The following MISP variants were observed in gnomAD, a reference collection of about 807,000 sequenced individuals.
The protein encoded by MISP is mitotic interactor and substrate of PLK1.
In MISP, 51 loss-of-function variants were observed where a neutral mutation model predicts 49.3. That is an observed-to-expected ratio of 1.03 (90% CI 0.83 to 1.31). The LOEUF (loss-of-function observed/expected upper bound fraction) is 1.31. MISP is among the 50% of genes most tolerant of loss of function. MISP has a pLI of 0.00. For synonymous variants in MISP, 444 were observed against 392.6 expected (o/e 1.13, Z -1.55); for missense variants, 1,084 against 935.1 (o/e 1.16, Z -2.08).
At chr19:760,232 G>A (rs2033651081) in intron 3 of MISP, among the ~76,000 whole-genome samples, 193 bp downstream of exon 3, 1 of 151,876 alleles carries the variant, frequency 6.6e-6, no homozygotes, top group African/African-American at 2.4e-5. Flanking sequence ...CTGGGCTTCT[G>A]CTTGGAGAGG....
In MISP at chr19:757,399, A is replaced by C. The variant is rs3746172; in HGVS notation, c.453A>C (p.Ala151=). The C allele has an allele frequency of 0.12, 200,621 of 1,606,936 alleles. 16,463 individuals are homozygous for C. The highest frequency in any genetic ancestry group is 0.4 in the East Asian group (17,664 of 44,438). Residue 151 remains alanine (A), a synonymous_variant, in exon 2 of 5, where the codon GCA becomes GCC. Transcript: ENST00000215582. ...GCTGGGCCGTCATCCAGGGCCAGGC[A>C]GTCAGGAAGAGCAGCACCGTGGCCA... is the stretch of plus-strand genomic sequence containing the variant. ...RERWAVIQGQ[A]VRKSSTVATL... is the part of the protein sequence containing the mutation.
In MISP at chr19:758,715, C is replaced by T; in HGVS notation, c.1769C>T (p.Ser590Phe). 1 of 1,612,466 alleles carries T rather than the reference C, an allele frequency of 6.2e-7. No individual in the cohort carries two copies. The highest frequency in any genetic ancestry group is 8.5e-7 in the Non-Finnish European group (1 of 1,178,942). ...ENSDQNSRSS[S>F]QASGITGSYS... ...TCTGACCAGAACTCCAGGAGCTCCTCCCAGGCATCCGGTGAGAAGGGGCTC... is the reference window on the plus strand; with the variant it reads ...TCTGACCAGAACTCCAGGAGCTCCTTCCAGGCATCCGGTGAGAAGGGGCTC... The change falls in exon 2 of 5, where the codon TCC becomes TTC. Residue 590 changes from serine (S) to phenylalanine (F), a missense_variant. Physicochemically the swap from Ser to Phe is radical, Grantham distance 155. Coordinates refer to ENST00000215582, the MANE Select transcript of MISP (RefSeq NM_173481.4).
chr19:748,882 C>A (rs777204073), upstream of MISP, among the ~76,000 whole-genome samples: 8 of 152,176 alleles, frequency 5.3e-5, no homozygotes, highest in Non-Finnish European at 7.4e-5. Context: ...TTCACACCTG[C>A]AATCCTAGTA....
intron 4 of MISP, 104 bp from the exon 5 acceptor site, chr19:763,397 C>A: frequency 1.3e-6 from 1 of 760,946 alleles, no homozygotes; most frequent in Non-Finnish European, 2.3e-6. Context: ...GGGGATCCTA[C>A]TTTACCCCCG....
In MISP at chr19:757,008, T is replaced by TG; in HGVS notation, c.64dup (p.Val22GlyfsTer26). 2 of 1,603,182 alleles carry TG rather than the reference T, an allele frequency of 1.2e-6. No individual in the cohort carries two copies. The highest frequency in any genetic ancestry group is 1.7e-6 in the Non-Finnish European group (2 of 1,174,438). On this transcript the variant is annotated frameshift_variant, in exon 2 of 5. Transcript: ENST00000215582. LOFTEE classifies it high-confidence loss of function. ...CCTCAGGCACACCGTGGCACCGGCC[T>TG]GGTGCTGGATGGAGACACCAGCTAC...
chr19:753,924 G>C (rs981145570), intron 1 of MISP, among the ~76,000 whole-genome samples: 17 of 152,156 alleles, frequency 1.1e-4, no homozygotes, highest in Non-Finnish European at 2.4e-4. Context: ...TTACAGGCCT[G>C]AGCCCCTGTG....
At chr19:752,451 G>A (rs2144950558) in intron 1 of MISP, among the ~76,000 whole-genome samples, 1 of 151,884 alleles carries the variant, frequency 6.6e-6, no homozygotes, top group Non-Finnish European at 1.5e-5. Context: ...GTGAATCCGG[G>A]AGGCAGAGGT....
At chr19:752,077 T>A (rs1290157943) in intron 1 of MISP, among the ~76,000 whole-genome samples, 2 of 152,280 alleles carry the variant, frequency 1.3e-5, no homozygotes, top group Middle Eastern at 3.4e-3. Context: ...AAAACTGGCT[T>A]CAGACACTTG....
chr19:761,550 G>A lies in MISP; in HGVS notation c.1912-75G>A. 7.1e-6 allele frequency: 11 copies of A among 1,545,866 alleles called. No individual in the cohort carries two copies. The South Asian group carries it at 8.9e-5, about 13-fold the overall frequency. On this transcript the variant is annotated intron_variant, in intron 3 of 4. Transcript: ENST00000215582. Reference sequence around the variant, plus strand: ...TCCCCAAATGGTGACAGAGAGGGCTGTGTGGGAGCTCTGGTCGGACTCTGC... The same window carrying A: ...TCCCCAAATGGTGACAGAGAGGGCTATGTGGGAGCTCTGGTCGGACTCTGC...
chr19:755,045 G>A (rs1163048478), intron 1 of MISP, among the ~76,000 whole-genome samples: 1 of 150,640 alleles, frequency 6.6e-6, no homozygotes, highest in Non-Finnish European at 1.5e-5. Flanking sequence ...GGAAGAGGAG[G>A]GTCTGGTTTG....
intron 1 of MISP, among the ~76,000 whole-genome samples, chr19:752,327 T>G (rs2033472619): frequency 6.6e-6 from 1 of 151,782 alleles, no homozygotes; most frequent in Non-Finnish European, 1.5e-5. Flanking sequence ...ATCCAGGGGT[T>G]TTTTTGGCCG....
At position 758,453 on chromosome 19, in the gene MISP, T is replaced by A; in HGVS notation, c.1507T>A (p.Tyr503Asn). 1 of 1,613,820 alleles carries A rather than the reference T, an allele frequency of 6.2e-7. No individual in the cohort carries two copies. Residue 503 changes from tyrosine to asparagine, a missense_variant, in exon 2 of 5, where the codon TAC becomes AAC. Tyr to Asn is a moderately radical substitution (Grantham distance 143, BLOSUM62 -2). Coordinates refer to ENST00000215582, the MANE Select transcript of MISP (RefSeq NM_173481.4). ...QANRGVVRWE[Y>N]FRLRPLRFRA... is the part of the protein sequence containing the mutation. The stretch of plus-strand genomic sequence containing the variant: ...CAACAGGGGTGTCGTGCGGTGGGAG[T>A]ACTTCCGCCTGCGTCCTCTGCGGTT...
At chr19:753,004 C>G (rs1029686758) in intron 1 of MISP, among the ~76,000 whole-genome samples, 1 of 152,224 alleles carries the variant, frequency 6.6e-6, no homozygotes, top group African/African-American at 2.4e-5. Flanking sequence ...GTATACCAGA[C>G]TCTGGGCTGC....
chr19:757,195 C>G lies in MISP; in HGVS notation c.249C>G (p.His83Gln). ...YTGQPSPRGL[H>Q]SENREDEGWQ... ...GCCAGCCGTCCCCACGGGGGCTCCA[C>G]TCGGAGAACAGGGAGGATGAGGGTT... The change falls in exon 2 of 5, where the codon CAC becomes CAG. Residue 83 changes from histidine to glutamine, a missense_variant. His to Gln is a conservative substitution (Grantham distance 24). Coordinates refer to ENST00000215582, the MANE Select transcript of MISP (RefSeq NM_173481.4). 7 of 1,613,590 alleles carry G rather than the reference C, an allele frequency of 4.3e-6. No homozygotes were observed. The highest frequency in any genetic ancestry group is 4.2e-6 in the Non-Finnish European group (5 of 1,179,978).
At chr19:762,036 C>T (rs1003892850) in intron 4 of MISP, among the ~76,000 whole-genome samples, 1 of 151,766 alleles carries the variant, frequency 6.6e-6, no homozygotes, top group Non-Finnish European at 1.5e-5. Context: ...CAAGCTCCGC[C>T]TCCCGGGTTC....
At chr19:758,880 G>A (rs191175415) in intron 2 of MISP, among the ~76,000 whole-genome samples, 154 bp downstream of exon 2, 1 of 152,254 alleles carries the variant, frequency 6.6e-6, no homozygotes, top group East Asian at 1.9e-4. Context: ...TGGTTTGTCT[G>A]CCTGTCTATT....
intron 1 of MISP, among the ~76,000 whole-genome samples, chr19:755,796 G>T (rs985188910): frequency 2.6e-5 from 4 of 152,056 alleles, no homozygotes; most frequent in Admixed American, 2.0e-4. Flanking sequence ...AGCCGGACTT[G>T]GGAGGTTAGC....
intron 1 of MISP, among the ~76,000 whole-genome samples, chr19:753,301 G>A (rs2033488524): frequency 6.6e-6 from 1 of 152,116 alleles, no homozygotes; most frequent in Non-Finnish European, 1.5e-5. Flanking sequence ...GTTTCAACAC[G>A]GCTCCCCACG....
intron 3 of MISP, 109 bp downstream of exon 3, chr19:760,148 C>T (rs2033650045): frequency 7.7e-7 from 1 of 1,301,662 alleles, no homozygotes; most frequent in Non-Finnish European, 1.1e-6. Flanking sequence ...TCAAGCACTA[C>T]CCCCACCCCT....
Sources: gnomAD v4.1 joint callset for allele counts (sites outside exome capture counted in the v4.1 genomes callset) on GRCh38, gnomAD v4.1.1 for gene constraint, MANE v1.5 for transcripts, NCBI Gene and HGNC (gene_info 2026-07-23, HGNC 2026-07-21) for gene names.